The following ABI3BP variants were observed in gnomAD, a reference collection of about 807,000 sequenced individuals.
The protein encoded by ABI3BP is target of Nesh-SH3.
In ABI3BP, 216 loss-of-function variants were observed where a neutral mutation model predicts 268.6. That is an observed-to-expected ratio of 0.80 (90% CI 0.72 to 0.90). The LOEUF (loss-of-function observed/expected upper bound fraction) is 0.90. ABI3BP is among the 40% of genes least tolerant of loss of function. ABI3BP has a pLI of 0.00. For missense variants in ABI3BP, 2,090 were observed against 2,182.4 expected, an observed-to-expected ratio of 0.96 and a Z score of 0.84; for synonymous variants, 730 against 730.0, an observed-to-expected ratio of 1.00 and a Z score of 0.00.
At chr3:100,856,504 C>T (rs565023884) in intron 14 of ABI3BP, among the ~76,000 whole-genome samples, 4 of 152,252 alleles carry the variant, frequency 2.6e-5, no homozygotes, top group East Asian at 3.9e-4. Context: ...GGAAATTATA[C>T]CAGAATAAGT....
intron 4 of ABI3BP, among the ~76,000 whole-genome samples, chr3:100,889,572 C>T (rs1438391423): frequency 6.6e-6 from 1 of 152,138 alleles, no homozygotes; most frequent in East Asian, 1.9e-4. Context: ...CAAGTGCACA[C>T]AGAGGCAACA....
At chr3:100,963,460 G>A (rs1357185623) in intron 1 of ABI3BP, among the ~76,000 whole-genome samples, 1 of 151,994 alleles carries the variant, frequency 6.6e-6, no homozygotes, top group Non-Finnish European at 1.5e-5. Context: ...CCACTAATAA[G>A]CATTAGTAGT....
At chr3:100,841,655 G>A (rs1435687020) in intron 21 of ABI3BP, among the ~76,000 whole-genome samples, 2 of 152,036 alleles carry the variant, frequency 1.3e-5, no homozygotes, top group Non-Finnish European at 2.9e-5. Flanking sequence ...TTGAGAGGCC[G>A]AGGTGGGTGG....
intron 59 of ABI3BP, among the ~76,000 whole-genome samples, chr3:100,775,702 A>G (rs1160496375): frequency 2.0e-5 from 3 of 152,196 alleles, no homozygotes; most frequent in African/African-American, 4.8e-5. Context: ...CAAGAGCAGT[A>G]TTATAGACAG....
chr3:100,839,556 G>A lies in ABI3BP; in HGVS notation c.1945+13C>T. On this transcript the variant is annotated intron_variant, in intron 24 of 67. Transcript: ENST00000471714. ...ACCCGTGAAAGCAGCCGTGGTGGAG[G>A]GAGTAGAATTACCAGTTGTGGGCAC... is the stretch of plus-strand genomic sequence containing the variant. 6.5e-7 allele frequency: 1 copy of A among 1,535,744 alleles called. No individual in the cohort carries two copies. The highest frequency in any genetic ancestry group is 8.7e-7 in the Non-Finnish European group (1 of 1,146,624).
At chr3:100,993,180 A>G (rs928176947) in intron 1 of ABI3BP, 126 bp downstream of exon 1, 2 of 654,012 alleles carry the variant, frequency 3.1e-6, no homozygotes, top group South Asian at 5.2e-5. Context: ...ACACATTTGA[A>G]CTTTGAATCT....
chr3:100,915,238 T>A lies in ABI3BP; in HGVS notation c.259+11064A>T, dbSNP rs559118502. On this transcript the variant is annotated intron_variant, in intron 2 of 67. Coordinates refer to ENST00000471714, the MANE Select transcript of ABI3BP (RefSeq NM_001375547.2). The stretch of plus-strand genomic sequence containing the variant: ...TTATCCCCCAACCCACCCCCCAGGG[T>A]AGAAAAGTCAATCTCCCTTCCCTGC... 5.8e-4 allele frequency among the ~76,000 whole-genome samples: 88 copies of A among 152,000 alleles called. 1 individual carries two copies. The highest frequency in any genetic ancestry group is 2.1e-3 in the African/African-American group (86 of 41,420).
At chr3:100,827,729 AT>A (rs1271966706) in intron 34 of ABI3BP, among the ~76,000 whole-genome samples, 2 of 152,162 alleles carry the variant, frequency 1.3e-5, no homozygotes, top group African/African-American at 4.8e-5. Flanking sequence ...AATTTGACAG[AT>A]TAAATAAATT....
At chr3:100,885,078 T>C (rs1451593638) in intron 6 of ABI3BP, among the ~76,000 whole-genome samples, 2 of 152,094 alleles carry the variant, frequency 1.3e-5, no homozygotes, top group African/African-American at 4.8e-5. Flanking sequence ...TTGTCTGAAC[T>C]GAACAGAGAC....
At position 100,832,172 on chromosome 3, in the gene ABI3BP, G is replaced by A. The variant is rs1219951068; in HGVS notation, c.2401+92C>T. 4.1e-6 allele frequency: 5 copies of A among 1,233,428 alleles called. No homozygotes were observed. In the Admixed American group the frequency reaches 6.4e-5, roughly 16 times the overall value. The allele number at this position is 1,233,428 out of a possible 1,614,324, so 76.4% of individuals were successfully genotyped here. On this transcript the variant is annotated intron_variant, in intron 31 of 67. Transcript: ENST00000471714. ...GCTTTTACTCTTAAGAGATATATAG[G>A]GCACAACACAATAGATTATATGTAC...
rs201790054 is a variant in ABI3BP, at chr3:100,811,788, T to C, written c.3433A>G (p.Thr1145Ala). Reference sequence around the variant, plus strand: ...TTGGCAGTGGGATATACATAGTCTGTTTTGGCTGGTGCTAGGGAAGAAACG... The same window carrying C: ...TTGGCAGTGGGATATACATAGTCTGCTTTGGCTGGTGCTAGGGAAGAAACG... ...SPKETIAPAK[T>A]DYVYPTAKAP... Residue 1145 changes from threonine (T) to alanine (A), a missense_variant, in exon 47 of 68, where the codon ACA (threonine) becomes GCA (alanine). Transcript: ENST00000471714. 3.6e-4 allele frequency: 557 copies of C among 1,535,440 alleles called. 2 individuals are homozygous for C. The highest frequency in any genetic ancestry group is 4.3e-4 in the Non-Finnish European group (492 of 1,146,428).
intron 1 of ABI3BP, among the ~76,000 whole-genome samples, chr3:100,958,853 G>A (rs946943860): frequency 2.6e-5 from 4 of 152,192 alleles, no homozygotes; most frequent in Non-Finnish European, 5.9e-5. Context: ...GACACAAAGG[G>A]AGTTTTTATC....
rs545418447 is a variant in ABI3BP, at chr3:100,962,869, A to G, written c.79+30437T>C. ...ACACACTGACAGCTCCTGAATTTGT[A>G]GCCCTAGTGCAGACCTCATCCCTGA... is the stretch of plus-strand genomic sequence containing the variant. On this transcript the variant is annotated intron_variant, in intron 1 of 67. Coordinates refer to ENST00000471714, the MANE Select transcript of ABI3BP (RefSeq NM_001375547.2). 3.3e-5 allele frequency among the ~76,000 whole-genome samples: 5 copies of G among 152,276 alleles called. No homozygotes were observed. In the South Asian group the frequency reaches 1.0e-3, roughly 32 times the overall value.
At chr3:100,846,491 G>T (rs1210015259) in intron 19 of ABI3BP, 45 bp from the exon 20 acceptor site, 1 of 1,374,496 alleles carries the variant, frequency 7.3e-7, no homozygotes, top group East Asian at 2.5e-5. Flanking sequence ...CAATATTTAG[G>T]CATTTCAGTG....
Position 100,862,389 on chromosome 3 carries a change from T to C in ABI3BP, c.1211-4A>G. The C allele has an allele frequency of 6.4e-7, 1 of 1,567,552 alleles. No individual in the cohort carries two copies. Among genetic ancestry groups the C allele is most frequent in the East Asian group, 2.3e-5 (1 of 44,390 alleles). On this transcript the variant is annotated splice_polypyrimidine_tract_variant and splice_region_variant and intron_variant, in intron 13 of 67. Coordinates refer to ENST00000471714, the MANE Select transcript of ABI3BP (RefSeq NM_001375547.2). ...ATCCATGGCTTTTCACTTGAAGCTA[T>C]ATTGAAAAGAAATGGAATTTGCTGA...
chr3:100,848,386 C>A (rs2098799098), intron 18 of ABI3BP, among the ~76,000 whole-genome samples: 1 of 152,140 alleles, frequency 6.6e-6, no homozygotes, highest in African/African-American at 2.4e-5. Flanking sequence ...CCCTTTTGGA[C>A]ACTTGAGTTT....
At chr3:100,859,830 T>C (rs190054730) in intron 14 of ABI3BP, among the ~76,000 whole-genome samples, 94 of 152,322 alleles carry the variant, frequency 6.2e-4, no homozygotes, top group Admixed American at 1.8e-3. Context: ...TATAACCAAC[T>C]ACACCCGATG....
chr3:100,966,767 T>G (rs1012917442), intron 1 of ABI3BP, among the ~76,000 whole-genome samples: 1 of 152,198 alleles, frequency 6.6e-6, no homozygotes, highest in Non-Finnish European at 1.5e-5. Flanking sequence ...CTTCTAGACA[T>G]AAAGTATTAT....
rs1268567142 is a variant in ABI3BP at position 100,922,553 on chromosome 3, T to TGATGGC, written c.259+3743_259+3748dup. Among the ~76,000 whole-genome samples the TGATGGC allele has an allele frequency of 1.3e-3, 197 of 146,170 alleles. 2 individuals carry two copies. Among genetic ancestry groups the TGATGGC allele is most frequent in the African/African-American group, 4.0e-3 (152 of 37,954 alleles). ...GTGATGGTGATGGTGATGGTGATGG[T>TGATGGC]GATGGCGATGGCGATGGCGATGGTG... is the stretch of plus-strand genomic sequence containing the variant. On this transcript the variant is annotated intron_variant, in intron 2 of 67. Transcript: ENST00000471714.
Sources: allele counts gnomAD v4.1 joint callset (sites outside exome capture counted in the v4.1 genomes callset), GRCh38; gene constraint gnomAD v4.1.1; transcripts MANE v1.5; gene names NCBI Gene and HGNC (gene_info 2026-07-23, HGNC 2026-07-21).